AK5: variants seen among roughly 807,000 people sequenced by gnomAD.
The protein encoded by AK5 is adenylate kinase isoenzyme 5.
Under a neutral mutation model 69.5 loss-of-function variants are expected in AK5, and 27 were observed. That is an observed-to-expected ratio of 0.39 (90% CI 0.29 to 0.54). The LOEUF (loss-of-function observed/expected upper bound fraction) is 0.54. Among genes scored for constraint, AK5 ranks in the 20% least tolerant of loss-of-function variants. The pLI, the probability that AK5 is intolerant of heterozygous loss-of-function variation, is 0.71. For synonymous variants in AK5, 260 were observed against 244.4 expected, an observed-to-expected ratio of 1.06 and a Z score of -0.60; for missense variants, 531 against 700.4, an observed-to-expected ratio of 0.76 and a Z score of 2.73.
chr1:77,430,814 T>A (rs1313620132), intron 8 of AK5, among the ~76,000 whole-genome samples: 1 of 152,064 alleles, frequency 6.6e-6, no homozygotes, highest in Non-Finnish European at 1.5e-5. Flanking sequence ...AGAGAGAGAC[T>A]GGAAAATAAT....
chr1:77,395,659 G>A (rs916862189), intron 6 of AK5, among the ~76,000 whole-genome samples: 2 of 152,180 alleles, frequency 1.3e-5, no homozygotes, highest in African/African-American at 4.8e-5. Context: ...CATTGCAAAT[G>A]TCTTTGGAAG....
intron 8 of AK5, among the ~76,000 whole-genome samples, chr1:77,456,471 A>G (rs1201318528): frequency 6.6e-6 from 1 of 152,224 alleles, no homozygotes; most frequent in African/African-American, 2.4e-5. Flanking sequence ...CTTGACCTGG[A>G]TACATTTCTC....
At chr1:77,357,992 A>AGTGTGTGTGTGTGTGTGTGTGTGTGT (rs10643921) in intron 6 of AK5, among the ~76,000 whole-genome samples, 34 of 121,140 alleles carry the variant, frequency 2.8e-4, no homozygotes, top group Admixed American at 5.3e-4. Flanking sequence ...TATGGAGAGT[A>AGTGTGTGTGTGTGTGTGTGTGTGTGT]GTGTGTGTGT....
intron 5 of AK5, among the ~76,000 whole-genome samples, chr1:77,335,857 A>G (rs1869465): frequency 0.79 from 119,696 of 151,962 alleles, 47,337 homozygotes; most frequent in South Asian, 0.89. Flanking sequence ...CTGGAGGCTA[A>G]GAAGTGCAAG....
rs147348548 is a variant in AK5 at position 77,495,908 on chromosome 1, G to A, written c.1147+9556G>A. 2.6e-5 allele frequency among the ~76,000 whole-genome samples: 4 copies of A among 152,286 alleles called. No individual in the cohort carries two copies. In the East Asian group the frequency reaches 5.8e-4, roughly 22 times the overall value. ...TCTCTCTGCTATAGTACATTCATCT[G>A]TTAGGTATATATGGCTTTGGGTGAA... On this transcript the variant is annotated intron_variant, in intron 10 of 13. Transcript: ENST00000354567.
chr1:77,529,069 A>C (rs1270216256), intron 12 of AK5, among the ~76,000 whole-genome samples: 1 of 151,534 alleles, frequency 6.6e-6, no homozygotes, highest in Non-Finnish European at 1.5e-5. Flanking sequence ...AGAAATAAAA[A>C]TTATATAGTA....
chr1:77,313,794 G>T (rs1430144406), intron 5 of AK5: 1 of 531,626 alleles, frequency 1.9e-6, no homozygotes. Flanking sequence ...TTCTTTTTCA[G>T]TACAGCCTAC....
chr1:77,360,495 G>C (rs1037293932), intron 6 of AK5, among the ~76,000 whole-genome samples: 3 of 152,022 alleles, frequency 2.0e-5, no homozygotes, highest in Admixed American at 2.0e-4. Context: ...AGAGAAGTTA[G>C]GGGGGGTGGA....
intron 7 of AK5, among the ~76,000 whole-genome samples, chr1:77,412,728 T>C (rs1016244014): frequency 9.9e-5 from 15 of 152,000 alleles, no homozygotes; most frequent in Non-Finnish European, 4.4e-5. Flanking sequence ...CACTGTTTTT[T>C]TCTCTCTCAA....
intron 10 of AK5, among the ~76,000 whole-genome samples, chr1:77,515,309 C>T (rs759788622): frequency 2.0e-5 from 3 of 152,114 alleles, no homozygotes; most frequent in Non-Finnish European, 4.4e-5. Flanking sequence ...AGGAGGGGCC[C>T]TTCTATTAGA....
At chr1:77,356,656 C>A (rs994179864) in intron 6 of AK5, among the ~76,000 whole-genome samples, 1 of 152,118 alleles carries the variant, frequency 6.6e-6, no homozygotes, top group African/African-American at 2.4e-5. Context: ...GCACAGTGCC[C>A]AGCACAGAAA....
Position 77,478,481 on chromosome 1 carries a change from G to A in AK5, c.1060-4836G>A, listed in dbSNP as rs148830448. On this transcript the variant is annotated intron_variant, in intron 8 of 13. Coordinates refer to ENST00000354567, the MANE Select transcript of AK5 (RefSeq NM_174858.3). ...TTGCCTGCTGCCATCCACATAAGAT[G>A]TGACTTGCTCCTCCTTCTCTTCCGC... is the stretch of plus-strand genomic sequence containing the variant. Among the ~76,000 whole-genome samples, 63 of 152,282 alleles carry A rather than the reference G, an allele frequency of 4.1e-4. 1 individual carries two copies. The highest frequency in any genetic ancestry group is 1.5e-3 in the African/African-American group (62 of 41,554).
intron 6 of AK5, among the ~76,000 whole-genome samples, chr1:77,348,363 T>G (rs1662017334): frequency 6.6e-6 from 1 of 152,232 alleles, no homozygotes; most frequent in South Asian, 2.1e-4. Flanking sequence ...GATAGTTTGC[T>G]GAGAATGATG....
At chr1:77,512,012 G>T (rs151224022) in intron 10 of AK5, among the ~76,000 whole-genome samples, 1 of 152,300 alleles carries the variant, frequency 6.6e-6, no homozygotes, top group East Asian at 1.9e-4. Flanking sequence ...AGAGCTGCAG[G>T]GGGCTGAAAT....
At chr1:77,291,394 T>C (rs780102542) in intron 2 of AK5, among the ~76,000 whole-genome samples, 5 of 152,124 alleles carry the variant, frequency 3.3e-5, no homozygotes, top group Non-Finnish European at 5.9e-5. Context: ...TAGCTGCTAC[T>C]TTTTCTGCTC....
At chr1:77,334,813 G>A (rs1488398256) in intron 5 of AK5, among the ~76,000 whole-genome samples, 2 of 152,110 alleles carry the variant, frequency 1.3e-5, no homozygotes, top group Non-Finnish European at 2.9e-5. Flanking sequence ...CAAAAGCCTG[G>A]GGGTGGGGTT....
chr1:77,392,676 A>C (rs1393016645), intron 6 of AK5, among the ~76,000 whole-genome samples: 3 of 152,152 alleles, frequency 2.0e-5, no homozygotes, highest in Non-Finnish European at 4.4e-5. Flanking sequence ...ATTCATAATA[A>C]TAGTTCTGAC....
chr1:77,379,105 T>G (rs1351022002), intron 6 of AK5, among the ~76,000 whole-genome samples: 1 of 152,136 alleles, frequency 6.6e-6, no homozygotes, highest in African/African-American at 2.4e-5. Context: ...TTGATCTTTG[T>G]GGGTCTGGGG....
intron 10 of AK5, among the ~76,000 whole-genome samples, chr1:77,502,145 A>C (rs2351034): frequency 0.44 from 66,229 of 152,028 alleles, 14,909 homozygotes; most frequent in South Asian, 0.63. Context: ...AAAATAACTG[A>C]AGTTAAACAA....
Sources: allele counts gnomAD v4.1 joint callset (sites outside exome capture counted in the v4.1 genomes callset), GRCh38; gene constraint gnomAD v4.1.1; transcripts MANE v1.5; gene names NCBI Gene and HGNC (gene_info 2026-07-23, HGNC 2026-07-21).